Variants in MCTP1 observed in about 807,000 individuals in gnomAD.
MCTP1 encodes the protein multiple C2 and transmembrane domain-containing protein 1.
A neutral mutation model predicts 120.6 loss-of-function variants in MCTP1; 69 were observed. That is an observed-to-expected ratio of 0.57 (90% CI 0.47 to 0.70). The LOEUF (loss-of-function observed/expected upper bound fraction) is 0.70, where lower values mean the gene tolerates loss of function less well. Among genes scored for constraint, MCTP1 ranks in the 30% least tolerant of loss-of-function variants. MCTP1 has a pLI of 0.00. For synonymous variants in MCTP1, 529 were observed against 493.1 expected (o/e 1.07, Z -0.96); for missense variants, 1,203 against 1,248.8 (o/e 0.96, Z 0.55).
intron 1 of MCTP1, among the ~76,000 whole-genome samples, chr5:95,074,913 A>G (rs182008972): frequency 6.6e-5 from 10 of 152,364 alleles, no homozygotes; most frequent in African/African-American, 1.2e-4. Flanking sequence ...CTGATGTTGT[A>G]AAAAGATTGC....
chr5:94,811,636 C>T (rs560904953), intron 17 of MCTP1, among the ~76,000 whole-genome samples: 6 of 152,282 alleles, frequency 3.9e-5, no homozygotes, highest in Admixed American at 3.9e-4. Context: ...GGGAAGCATG[C>T]GTATCATTTG....
intron 1 of MCTP1, among the ~76,000 whole-genome samples, chr5:95,256,421 A>C (rs140573109): frequency 6.6e-6 from 1 of 152,116 alleles, no homozygotes; most frequent in Non-Finnish European, 1.5e-5. Flanking sequence ...CAAGCATCCA[A>C]CTGGGCTCAG....
chr5:95,103,661 T>C (rs1311495179), intron 1 of MCTP1, among the ~76,000 whole-genome samples: 1 of 152,226 alleles, frequency 6.6e-6, no homozygotes, highest in Admixed American at 6.5e-5. Context: ...TCATTTCACC[T>C]ACTGCACTTT....
chr5:94,708,626 G>A lies in MCTP1; in HGVS notation c.2831-17C>T, dbSNP rs762224080. 7.5e-6 allele frequency: 11 copies of A among 1,467,636 alleles called. No individual in the cohort carries two copies. The highest frequency in any genetic ancestry group is 1.0e-5 in the Non-Finnish European group (11 of 1,047,802). The allele number at this position is 1,467,636 out of a possible 1,614,324, so 90.9% of individuals were successfully genotyped here. On this transcript the variant is annotated splice_polypyrimidine_tract_variant and intron_variant, in intron 21 of 22. Coordinates refer to ENST00000515393, the MANE Select transcript of MCTP1 (RefSeq NM_024717.7). ...TATTGATGCCTGAAACAAAGTTGGA[G>A]TTAAACAAAGCACATTTCTGACAAA...
intron 12 of MCTP1, among the ~76,000 whole-genome samples, chr5:94,886,700 C>T (rs941389565): frequency 2.0e-5 from 3 of 152,122 alleles, no homozygotes; most frequent in Non-Finnish European, 4.4e-5. Context: ...TAGTCAATTG[C>T]CTCTTTTCAA....
At chr5:94,785,462 A>G (rs1244735499) in intron 18 of MCTP1, among the ~76,000 whole-genome samples, 1 of 152,118 alleles carries the variant, frequency 6.6e-6, no homozygotes, top group Non-Finnish European at 1.5e-5. Context: ...TGCTTTTATG[A>G]AACTATATTA....
At chr5:94,966,309 T>A (rs1315366782) in intron 2 of MCTP1, among the ~76,000 whole-genome samples, 2 of 152,324 alleles carry the variant, frequency 1.3e-5, no homozygotes, top group South Asian at 4.1e-4. Context: ...GGCATATAAC[T>A]ACTGTGTGAA....
chr5:95,226,097 A>G (rs997711385), intron 1 of MCTP1, among the ~76,000 whole-genome samples: 2 of 152,056 alleles, frequency 1.3e-5, no homozygotes, highest in African/African-American at 4.8e-5. Context: ...ACCCATCACC[A>G]CTGAACCCAA....
chr5:94,754,072 T>A (rs1239121579), intron 19 of MCTP1, among the ~76,000 whole-genome samples: 4 of 152,250 alleles, frequency 2.6e-5, no homozygotes, highest in Non-Finnish European at 4.4e-5. Flanking sequence ...TGGCTATGCT[T>A]TTTAAAAACG....
chr5:95,075,330 A>G (rs1227254190), intron 1 of MCTP1, among the ~76,000 whole-genome samples: 2 of 152,194 alleles, frequency 1.3e-5, no homozygotes, highest in African/African-American at 2.4e-5. Context: ...GAGCCTATAA[A>G]TATAAGTTAA....
intron 1 of MCTP1, among the ~76,000 whole-genome samples, chr5:95,099,568 A>G (rs1186453887): frequency 2.7e-5 from 4 of 150,756 alleles, no homozygotes; most frequent in South Asian, 2.1e-4. Flanking sequence ...CAAAACCACA[A>G]TGAGATATCA....
At chr5:95,260,924 T>C (rs569523032) in intron 1 of MCTP1, among the ~76,000 whole-genome samples, 10 of 152,328 alleles carry the variant, frequency 6.6e-5, no homozygotes, top group African/African-American at 2.4e-4. Context: ...TCTAAATATA[T>C]TTTTGGTTCA....
chr5:95,278,792 G>A (rs978810010), intron 1 of MCTP1, among the ~76,000 whole-genome samples: 3 of 151,420 alleles, frequency 2.0e-5, no homozygotes, highest in South Asian at 4.2e-4. Context: ...GAGACACCCC[G>A]TCTCTACTAA....
At chr5:95,265,384 G>A (rs376605350) in intron 1 of MCTP1, among the ~76,000 whole-genome samples, 22 of 152,278 alleles carry the variant, frequency 1.4e-4, no homozygotes, top group South Asian at 4.1e-4. Context: ...GGAAGCAATC[G>A]TTTGTGCTTC....
intron 5 of MCTP1, among the ~76,000 whole-genome samples, chr5:94,933,026 A>T (rs1185833521): frequency 6.6e-5 from 10 of 151,966 alleles, no homozygotes; most frequent in Admixed American, 6.6e-4. Context: ...TTCTAGGGTA[A>T]AAACTAAGAC....
intron 1 of MCTP1, among the ~76,000 whole-genome samples, chr5:95,124,664 C>T (rs1758491918): frequency 6.6e-6 from 1 of 152,134 alleles, no homozygotes; most frequent in Non-Finnish European, 1.5e-5. Context: ...CCAGCCTTTA[C>T]AGGAAAGAAA....
intron 1 of MCTP1, among the ~76,000 whole-genome samples, chr5:95,108,429 T>C (rs1757246722): frequency 6.6e-6 from 1 of 152,164 alleles, no homozygotes; most frequent in African/African-American, 2.4e-5. Flanking sequence ...AAGATGTTAG[T>C]GATTAATAAC....
chr5:94,824,583 A>G (rs186069255), intron 17 of MCTP1, among the ~76,000 whole-genome samples: 2 of 152,104 alleles, frequency 1.3e-5, no homozygotes, highest in African/African-American at 4.8e-5. Context: ...CTCTTTTTCT[A>G]TTGCTTGGAA....
At chr5:94,707,645 G>A in intron 22 of MCTP1, 78 bp from the exon 23 acceptor site, 1 of 1,099,414 alleles carries the variant, frequency 9.1e-7, no homozygotes, top group Non-Finnish European at 1.4e-6. Flanking sequence ...AGGAATGAGA[G>A]ACGGTGCTTG....
Sources: gnomAD v4.1 joint callset for allele counts (sites outside exome capture counted in the v4.1 genomes callset) on GRCh38, gnomAD v4.1.1 for gene constraint, MANE v1.5 for transcripts, NCBI Gene and HGNC (gene_info 2026-07-23, HGNC 2026-07-21) for gene names.